The following PDGFD variants were observed in gnomAD, a reference collection of about 807,000 sequenced individuals.
PDGFD encodes platelet-derived growth factor D.
PDGFD carries 30 observed loss-of-function variants against 44.7 expected under a neutral mutation model. That is an observed-to-expected ratio of 0.67 (90% CI 0.50 to 0.91). The LOEUF (loss-of-function observed/expected upper bound fraction) is 0.91. Among genes scored for constraint, PDGFD ranks in the 40% least tolerant of loss-of-function variants. The probability of loss-of-function intolerance (pLI) is 0.00; values close to 1 mark genes in which losing one functional copy is unlikely to be tolerated. For synonymous variants in PDGFD, 173 were observed against 168.4 expected (o/e 1.03, Z -0.21); for missense variants, 445 against 457.8 (o/e 0.97, Z 0.25).
At chr11:104,155,541 A>G (rs1862295188) in intron 1 of PDGFD, among the ~76,000 whole-genome samples, 1 of 152,258 alleles carries the variant, frequency 6.6e-6, no homozygotes, top group South Asian at 2.1e-4. Context: ...CTATTCTAAT[A>G]CCCTACTCCT....
intron 3 of PDGFD, among the ~76,000 whole-genome samples, chr11:103,956,256 C>T (rs1858845392): frequency 2.0e-5 from 3 of 150,954 alleles, no homozygotes. Context: ...TGTTCCCCTT[C>T]CTGTGTCCAT....
At chr11:104,065,791 A>G (rs1031123989) in intron 1 of PDGFD, among the ~76,000 whole-genome samples, 2 of 152,180 alleles carry the variant, frequency 1.3e-5, no homozygotes, top group African/African-American at 4.8e-5. Context: ...TACTTCTCTG[A>G]ATATTATCCC....
chr11:104,157,472 A>G (rs973914651), intron 1 of PDGFD, among the ~76,000 whole-genome samples: 1 of 152,146 alleles, frequency 6.6e-6, no homozygotes, highest in Non-Finnish European at 1.5e-5. Flanking sequence ...AGCTCCCTTA[A>G]CATTACTCCC....
intron 1 of PDGFD, among the ~76,000 whole-genome samples, chr11:104,023,992 T>C (rs1173919989): frequency 1.3e-5 from 2 of 152,156 alleles, no homozygotes; most frequent in Non-Finnish European, 2.9e-5. Context: ...TGCCAAGCAT[T>C]TCCCCAACAG....
At chr11:104,061,036 T>C (rs1860707667) in intron 1 of PDGFD, among the ~76,000 whole-genome samples, 1 of 152,142 alleles carries the variant, frequency 6.6e-6, no homozygotes, top group South Asian at 2.1e-4. Flanking sequence ...TGGTAACCTC[T>C]AATCTACTTT....
At chr11:103,991,394 C>T (rs938467772) in intron 3 of PDGFD, among the ~76,000 whole-genome samples, 3 of 151,970 alleles carry the variant, frequency 2.0e-5, no homozygotes, top group African/African-American at 4.8e-5. Flanking sequence ...TTATGTAAAA[C>T]CATTCTTCAT....
chr11:103,927,655 T>G (rs1459343276), intron 5 of PDGFD, among the ~76,000 whole-genome samples: 1 of 152,228 alleles, frequency 6.6e-6, no homozygotes, highest in Non-Finnish European at 1.5e-5. Context: ...AACTTCAAAG[T>G]TAATCAACAT....
chr11:104,163,761 A>T, intron 1 of PDGFD, 43 bp downstream of exon 1: 1 of 1,499,778 alleles, frequency 6.7e-7, no homozygotes, highest in Non-Finnish European at 9.0e-7. Context: ...ACAATAGCAA[A>T]CATGATTTTT....
chr11:104,041,166 T>C (rs779371776), intron 1 of PDGFD, among the ~76,000 whole-genome samples: 3 of 152,068 alleles, frequency 2.0e-5, no homozygotes, highest in Non-Finnish European at 4.4e-5. Flanking sequence ...GCACATTAAA[T>C]AAGCTCCCAG....
chr11:104,063,836 C>G (rs1860748844), intron 1 of PDGFD, among the ~76,000 whole-genome samples: 1 of 152,102 alleles, frequency 6.6e-6, no homozygotes, highest in Non-Finnish European at 1.5e-5. Context: ...AGGTACCTCC[C>G]CTGACATATG....
intron 1 of PDGFD, among the ~76,000 whole-genome samples, chr11:104,136,715 T>G (rs1336467655): frequency 6.6e-6 from 1 of 152,204 alleles, no homozygotes; most frequent in Non-Finnish European, 1.5e-5. Flanking sequence ...GTAAATAACA[T>G]GGAAAGCATG....
At chr11:103,911,210 C>T (rs891510544) in intron 6 of PDGFD, among the ~76,000 whole-genome samples, 3 of 152,130 alleles carry the variant, frequency 2.0e-5, no homozygotes, top group African/African-American at 7.2e-5. Context: ...CAGCGGATCT[C>T]CCAGCACAGC....
At chr11:104,034,063 C>T (rs568064877) in intron 1 of PDGFD, among the ~76,000 whole-genome samples, 2 of 152,272 alleles carry the variant, frequency 1.3e-5, no homozygotes, top group Admixed American at 6.5e-5. Flanking sequence ...TCCACTCTGG[C>T]GCACCCTGCA....
intron 5 of PDGFD, among the ~76,000 whole-genome samples, chr11:103,932,789 A>C (rs1342129560): frequency 6.6e-6 from 1 of 152,192 alleles, no homozygotes; most frequent in African/African-American, 2.4e-5. Flanking sequence ...TTTCAGTTTA[A>C]TTTTTTATCA....
At chr11:104,076,059 T>C (rs1231335373) in intron 1 of PDGFD, among the ~76,000 whole-genome samples, 2 of 152,184 alleles carry the variant, frequency 1.3e-5, no homozygotes, top group Non-Finnish European at 2.9e-5. Context: ...CATGTTATTC[T>C]TATAATAGTG....
At chr11:104,056,337 C>T (rs1025184038) in intron 1 of PDGFD, among the ~76,000 whole-genome samples, 8 of 152,186 alleles carry the variant, frequency 5.3e-5, no homozygotes, top group East Asian at 3.9e-4. Context: ...AACAAAAATA[C>T]GGTCAAGTCT....
At chr11:104,080,876 G>T (rs751664915) in intron 1 of PDGFD, among the ~76,000 whole-genome samples, 1 of 152,184 alleles carries the variant, frequency 6.6e-6, no homozygotes, top group Non-Finnish European at 1.5e-5. Flanking sequence ...AAGCAACCCT[G>T]AGGAGAAGAC....
chr11:104,123,150 C>T (rs1224287149), intron 1 of PDGFD, among the ~76,000 whole-genome samples: 1 of 151,946 alleles, frequency 6.6e-6, no homozygotes, highest in Non-Finnish European at 1.5e-5. Context: ...TCAAAAAAAT[C>T]AAAACCAACA....
intron 1 of PDGFD, among the ~76,000 whole-genome samples, chr11:104,138,302 A>T (rs1478399969): frequency 6.6e-6 from 1 of 152,198 alleles, no homozygotes; most frequent in Non-Finnish European, 1.5e-5. Flanking sequence ...ATGAAAACCC[A>T]AAGAGGAAAT....
Sources: gnomAD v4.1 joint callset for allele counts (sites outside exome capture counted in the v4.1 genomes callset) on GRCh38, gnomAD v4.1.1 for gene constraint, MANE v1.5 for transcripts, NCBI Gene and HGNC (gene_info 2026-07-23, HGNC 2026-07-21) for gene names.